Variants in CBLB observed in about 807,000 individuals in gnomAD.
CBLB encodes the protein E3 ubiquitin-protein ligase CBL-B.
CBLB carries 31 observed loss-of-function variants against 104.9 expected under a neutral mutation model. That is an observed-to-expected ratio of 0.30 (90% CI 0.22 to 0.40). CBLB has a LOEUF of 0.40. Among genes scored for constraint, CBLB ranks in the 10% least tolerant of loss-of-function variants. The pLI, the probability that CBLB is intolerant of heterozygous loss-of-function variation, is 1.00. For synonymous variants in CBLB, 440 were observed against 422.6 expected (o/e 1.04, Z -0.51); for missense variants, 1,062 against 1,214.6 (o/e 0.87, Z 1.87).
intron 3 of CBLB, among the ~76,000 whole-genome samples, chr3:105,846,025 ATTTTG>A (rs1013865284): frequency 1.1e-4 from 16 of 152,124 alleles, no homozygotes; most frequent in African/African-American, 3.9e-4. Flanking sequence ...AAAAATTATT[ATTTTG>A]AAGTATCAAA....
intron 10 of CBLB, among the ~76,000 whole-genome samples, chr3:105,704,566 A>G (rs533487391): frequency 6.6e-6 from 1 of 152,216 alleles, no homozygotes; most frequent in East Asian, 1.9e-4. Flanking sequence ...AGCTTTGTAC[A>G]TTCTAATACT....
intron 13 of CBLB, among the ~76,000 whole-genome samples, chr3:105,687,888 A>G (rs1226609990): frequency 6.6e-6 from 1 of 152,014 alleles, no homozygotes; most frequent in Non-Finnish European, 1.5e-5. Flanking sequence ...GAAGTTGTAT[A>G]TAAAATAGCA....
intron 2 of CBLB, 99 bp from the exon 3 acceptor site, chr3:105,853,763 AT>A (rs2091251508): frequency 1.2e-6 from 1 of 800,982 alleles, no homozygotes; most frequent in African/African-American, 1.7e-5. Flanking sequence ...TTTTTCCATA[AT>A]ATAAATAATG....
intron 13 of CBLB, among the ~76,000 whole-genome samples, chr3:105,690,821 C>CAAAAAA (rs1178398593): frequency 1.5e-5 from 1 of 65,790 alleles, no homozygotes; most frequent in Non-Finnish European, 3.2e-5. Flanking sequence ...GACTCCATCT[C>CAAAAAA]AAAAAAAAAA....
At chr3:105,797,672 TATTC>T (rs2082393192) in intron 3 of CBLB, among the ~76,000 whole-genome samples, 2 of 152,096 alleles carry the variant, frequency 1.3e-5, no homozygotes, top group South Asian at 4.1e-4. Flanking sequence ...CTTCAATAAA[TATTC>T]AGTTGTCCAA....
intron 3 of CBLB, among the ~76,000 whole-genome samples, chr3:105,824,763 C>G (rs2086346940): frequency 6.6e-6 from 1 of 152,124 alleles, no homozygotes. Context: ...CCTGATGAGA[C>G]AGCAAGGGCA....
chr3:105,769,841 C>T (rs901994711), intron 4 of CBLB, among the ~76,000 whole-genome samples: 1 of 152,164 alleles, frequency 6.6e-6, no homozygotes, highest in African/African-American at 2.4e-5. Context: ...ATGATTAGCT[C>T]TGCTTTTTAG....
chr3:105,867,458 G>C lies in CBLB; in HGVS notation c.120C>G (p.Ala40=). The change falls in exon 2 of 19, where the codon GCC becomes GCG. Residue 40 remains alanine, a synonymous_variant. Coordinates refer to ENST00000394030, the MANE Select transcript of CBLB (RefSeq NM_170662.5). ...QDAVGPPKQA[A]ADRRTVEKTW... ...TCTTCTCCACGGTCCTGCGATCTGC[G>C]GCAGCTTGCTTAGGGGGTCCAACTG... 6.2e-7 allele frequency: 1 copy of C among 1,614,104 alleles called. No individual in the cohort carries two copies. Among genetic ancestry groups the C allele is most frequent in the Non-Finnish European group, 8.5e-7 (1 of 1,179,998 alleles).
At chr3:105,679,208 A>G (rs10460778) in intron 16 of CBLB, among the ~76,000 whole-genome samples, 26,867 of 151,778 alleles carry the variant, frequency 0.18, 2,740 homozygotes, top group East Asian at 0.52. Context: ...TCTGGTTCCA[A>G]GCACTACTTA....
At chr3:105,720,733 T>G (rs2072691245) in intron 9 of CBLB, among the ~76,000 whole-genome samples, 1 of 152,338 alleles carries the variant, frequency 6.6e-6, no homozygotes, top group African/African-American at 2.4e-5. Context: ...TTGTTTTAAC[T>G]GCCTGTGTAT....
At chr3:105,702,732 A>T (rs2069419695) in intron 11 of CBLB, among the ~76,000 whole-genome samples, 1 of 152,200 alleles carries the variant, frequency 6.6e-6, no homozygotes, top group South Asian at 2.1e-4. Context: ...TGATACAGAA[A>T]CAAGTAGAAG....
intron 17 of CBLB, among the ~76,000 whole-genome samples, chr3:105,675,863 C>T (rs1315129999): frequency 1.9e-5 from 2 of 104,932 alleles, no homozygotes; most frequent in African/African-American, 7.6e-5. Context: ...CCAGCCTGGG[C>T]AACAGAGTGA....
chr3:105,861,314 T>G (rs1190818562), intron 2 of CBLB, among the ~76,000 whole-genome samples: 1 of 152,174 alleles, frequency 6.6e-6, no homozygotes, highest in Non-Finnish European at 1.5e-5. Flanking sequence ...ACTTAAATGC[T>G]AGAAGACTAG....
intron 6 of CBLB, among the ~76,000 whole-genome samples, chr3:105,741,302 C>A (rs952406223): frequency 6.6e-6 from 1 of 152,132 alleles, no homozygotes; most frequent in African/African-American, 2.4e-5. Context: ...GATTCTCCTG[C>A]CTCAGCCTCC....
intron 10 of CBLB, among the ~76,000 whole-genome samples, chr3:105,706,428 AACTGACTTGAGT>A (rs2070147894): frequency 6.6e-6 from 1 of 152,198 alleles, no homozygotes; most frequent in African/African-American, 2.4e-5. Context: ...TATAGTCACA[AACTGACTTGAGT>A]ACAGCCAGTG....
At chr3:105,841,394 T>C (rs1397565190) in intron 3 of CBLB, among the ~76,000 whole-genome samples, 1 of 151,946 alleles carries the variant, frequency 6.6e-6, no homozygotes. Flanking sequence ...ATTTCTAATA[T>C]ACATATTAGA....
intron 3 of CBLB, among the ~76,000 whole-genome samples, chr3:105,847,028 T>C (rs993704671): frequency 5.3e-5 from 8 of 152,060 alleles, no homozygotes; most frequent in African/African-American, 1.9e-4. Flanking sequence ...GGAAAGAAAG[T>C]AGGTTTGTTT....
chr3:105,658,019 A>C lies in CBLB; in HGVS notation c.*951T>G, dbSNP rs918548299. 1.9e-5 allele frequency: 4 copies of C among 212,518 alleles called. No individual in the cohort carries two copies. Among genetic ancestry groups the C allele is most frequent in the African/African-American group, 9.1e-5 (4 of 44,188 alleles). 13.2% of individuals were successfully genotyped at this position (212,518 alleles called of 1,614,324 possible). A position where few individuals can be genotyped will look rare whatever the true frequency, so the allele number is the denominator to read the frequency against. ...TTCATAATTTTATCTGAAAATTATTAATATATTTCAGGGAGATGGTCCTCT... is the reference window on the plus strand; with the variant it reads ...TTCATAATTTTATCTGAAAATTATTCATATATTTCAGGGAGATGGTCCTCT... On this transcript the variant is annotated 3_prime_UTR_variant, in exon 19 of 19. Transcript: ENST00000394030.
intron 3 of CBLB, among the ~76,000 whole-genome samples, chr3:105,794,321 A>G (rs1392702172): frequency 6.6e-6 from 1 of 152,214 alleles, no homozygotes; most frequent in Non-Finnish European, 1.5e-5. Context: ...CTACTGAAAA[A>G]TCCAAATAGA....
Sources: allele counts gnomAD v4.1 joint callset (sites outside exome capture counted in the v4.1 genomes callset), GRCh38; gene constraint gnomAD v4.1.1; transcripts MANE v1.5; gene names NCBI Gene and HGNC (gene_info 2026-07-23, HGNC 2026-07-21).